DNAH17: variants seen among roughly 807,000 people sequenced by gnomAD.
DNAH17 encodes the protein axonemal beta dynein heavy chain 17.
A neutral mutation model predicts 485.6 loss-of-function variants in DNAH17; 376 were observed. The observed-to-expected ratio is 0.77, with a 90% CI of 0.71 to 0.84. The LOEUF is 0.84. DNAH17 is among the 40% of genes least tolerant of loss of function. DNAH17 has a pLI of 0.00. For missense variants in DNAH17, 6,370 were observed against 5,839.3 expected (o/e 1.09, Z -2.96); for synonymous variants, 3,031 against 2,405.9 (o/e 1.26, Z -7.60).
chr17:78,539,817 T>G lies in DNAH17; in HGVS notation c.2596A>C (p.Ile866Leu). ...AATTCATCTAAGACCATGTCGTCAA[T>G]GTAGATGACATAATCCTTCCAGGGC... ...SLPWKDYVIY[I>L]DDMVLDEFDQ... The change falls in exon 18 of 81, where the codon ATT becomes CTT. Residue 866 changes from isoleucine to leucine, a missense_variant. Ile to Leu is a conservative substitution (Grantham distance 5). Coordinates refer to ENST00000389840, the MANE Select transcript of DNAH17 (RefSeq NM_173628.4). The G allele has an allele frequency of 6.2e-7, 1 of 1,611,936 alleles. No individual in the cohort carries two copies.
At chr17:78,468,160 TA>T (rs34926462) in intron 55 of DNAH17, among the ~76,000 whole-genome samples, 2,012 of 150,502 alleles carry the variant, frequency 0.013, 50 homozygotes, top group African/African-American at 0.046. Flanking sequence ...TGAAAATTGT[TA>T]AAAAAAAATA....
intron 36 of DNAH17, 53 bp from the exon 37 acceptor site, chr17:78,499,165 G>C: frequency 7.8e-7 from 1 of 1,287,194 alleles, no homozygotes. Context: ...CAGGGAGGGC[G>C]GGCGCTGCAG....
At chr17:78,474,893 T>C (rs74001354) in intron 54 of DNAH17, among the ~76,000 whole-genome samples, 26,707 of 127,538 alleles carry the variant, frequency 0.21, 3,091 homozygotes, top group African/African-American at 0.39. Context: ...CTCAGTCACA[T>C]GGGCCGGGAG....
intron 17 of DNAH17, among the ~76,000 whole-genome samples, chr17:78,543,353 C>G (rs2091656558): frequency 6.6e-6 from 1 of 150,822 alleles, no homozygotes; most frequent in African/African-American, 2.4e-5. Flanking sequence ...TGCAGTGGCG[C>G]AATCTTGGCT....
At chr17:78,552,937 A>T (rs547991576) in intron 14 of DNAH17, 132 bp from the exon 15 acceptor site, 32 of 672,048 alleles carry the variant, frequency 4.8e-5, no homozygotes, top group Admixed American at 2.9e-4. Flanking sequence ...TCTCATGTTG[A>T]ATTGTAATCC....
At chr17:78,478,633 CATT>C in intron 51 of DNAH17, among the ~76,000 whole-genome samples, 1 of 150,564 alleles carries the variant, frequency 6.6e-6, no homozygotes, top group East Asian at 2.0e-4. Context: ...TTATTATAAT[CATT>C]ATCACCATTA....
chr17:78,494,281 C>G, intron 40 of DNAH17, 108 bp from the exon 41 acceptor site: 1 of 1,468,946 alleles, frequency 6.8e-7, no homozygotes, highest in Non-Finnish European at 9.1e-7. Context: ...TAAAGGCGCC[C>G]TTGCCCTCCG....
At chr17:78,569,724 C>A (rs933560267) in intron 7 of DNAH17, among the ~76,000 whole-genome samples, 197 bp from the exon 8 acceptor site, 2 of 152,250 alleles carry the variant, frequency 1.3e-5, no homozygotes, top group African/African-American at 4.8e-5. Flanking sequence ...TTTGCCAAGG[C>A]TGCAGCATAA....
rs1448011077 is a variant in DNAH17 at position 78,529,772 on chromosome 17, G to A, written c.3285-78C>T. 19 of 1,460,936 alleles carry A rather than the reference G, an allele frequency of 1.3e-5. No homozygotes were observed. The East Asian group carries it at 2.1e-4, about 16-fold the overall frequency. The allele number at this position is 1,460,936 out of a possible 1,614,324, so 90.5% of individuals were successfully genotyped here. On this transcript the variant is annotated intron_variant, in intron 21 of 80. Coordinates refer to ENST00000389840, the MANE Select transcript of DNAH17 (RefSeq NM_173628.4). ...TTGATGGTACGGAGCCCCATGAGAG[G>A]GGGACGACCGCGGTGAGGTCAACTG...
chr17:78,434,177 A>G lies in DNAH17; in HGVS notation c.12077T>C (p.Met4026Thr), dbSNP rs1452514181. Residue 4026 changes from methionine (M) to threonine (T), a missense_variant, in exon 75 of 81, where the codon ATG (methionine) becomes ACG (threonine). Transcript: ENST00000389840. ...GTGGAAGTAGCACAGGGCGAAGAGC[A>G]TGCACTTGAACTCCATCTCCTTGGT... is the stretch of plus-strand genomic sequence containing the variant. ...MCTKEMEFKC[M>T]LFALCYFHAV... 7 of 1,613,266 alleles carry G rather than the reference A, an allele frequency of 4.3e-6. No homozygotes were observed. The highest frequency in any genetic ancestry group is 1.1e-5 in the South Asian group (1 of 91,072).
chr17:78,504,729 G>A (rs1004516365), intron 31 of DNAH17, among the ~76,000 whole-genome samples: 6 of 152,086 alleles, frequency 3.9e-5, no homozygotes, highest in South Asian at 2.1e-4. Context: ...CGGGGGACGC[G>A]CTTGCTGGGG....
intron 11 of DNAH17, among the ~76,000 whole-genome samples, chr17:78,564,534 A>G (rs1315306692): frequency 6.7e-6 from 1 of 150,104 alleles, no homozygotes; most frequent in African/African-American, 2.4e-5. Flanking sequence ...TTTCCAAATG[A>G]AAGAATTGGC....
Position 78,528,997 on chromosome 17 carries a change from G to A in DNAH17, c.3507+475C>T, listed in dbSNP as rs184694005. Among the ~76,000 whole-genome samples the A allele has an allele frequency of 4.6e-5, 7 of 150,854 alleles. No homozygotes were observed. The East Asian group carries it at 5.9e-4, about 13-fold the overall frequency. ...GAATCTCTGTCGCCCAGGCTGGAGT[G>A]CAGTGGTGCGATCTCAGCTCACTGC... On this transcript the variant is annotated intron_variant, in intron 22 of 80. Transcript: ENST00000389840.
At chr17:78,570,633 G>A (rs961080191) in intron 6 of DNAH17, among the ~76,000 whole-genome samples, 2 of 152,036 alleles carry the variant, frequency 1.3e-5, no homozygotes, top group Non-Finnish European at 2.9e-5. Context: ...GCCGAGGTGG[G>A]CGGATCATGA....
rs761870194 is a variant in DNAH17 at position 78,440,548 on chromosome 17, C to T, written c.11677+503G>A. Reference sequence around the variant, plus strand: ...GTGCTGGGATACAGGTGTGAGCTACCGCCCCCGGCCTGCTTCACTCTTTTT... The same window carrying T: ...GTGCTGGGATACAGGTGTGAGCTACTGCCCCCGGCCTGCTTCACTCTTTTT... On this transcript the variant is annotated intron_variant, in intron 72 of 80. Coordinates refer to ENST00000389840, the MANE Select transcript of DNAH17 (RefSeq NM_173628.4). Among the ~76,000 whole-genome samples, 7 of 152,210 alleles carry T rather than the reference C, an allele frequency of 4.6e-5. No homozygotes were observed. The East Asian group carries it at 5.8e-4, about 13-fold the overall frequency.
chr17:78,486,525 G>C lies in DNAH17; in HGVS notation c.6819-19C>G, dbSNP rs781077623. ...CACCACCCTGGGGGTGACAGGAGGCGCCGATGACACAGCCGCTGCTCTGGG... is the reference window on the plus strand; with the variant it reads ...CACCACCCTGGGGGTGACAGGAGGCCCCGATGACACAGCCGCTGCTCTGGG... On this transcript the variant is annotated intron_variant, in intron 44 of 80. Coordinates refer to ENST00000389840, the MANE Select transcript of DNAH17 (RefSeq NM_173628.4). 3 of 1,584,620 alleles carry C rather than the reference G, an allele frequency of 1.9e-6. No homozygotes were observed. The highest frequency in any genetic ancestry group is 8.6e-7 in the Non-Finnish European group (1 of 1,163,070).
intron 25 of DNAH17, among the ~76,000 whole-genome samples, chr17:78,520,791 T>C (rs1243338278): frequency 6.6e-6 from 1 of 152,214 alleles, no homozygotes; most frequent in Non-Finnish European, 1.5e-5. Context: ...AACATGTCAG[T>C]TCTCTCCAAA....
At chr17:78,497,744 G>T in intron 37 of DNAH17, among the ~76,000 whole-genome samples, 1 of 152,232 alleles carries the variant, frequency 6.6e-6, no homozygotes, top group East Asian at 1.9e-4. Flanking sequence ...CTCTAATCCT[G>T]CTGGCAGACC....
Position 78,560,930 on chromosome 17 carries a change from A to G in DNAH17, c.1841T>C (p.Met614Thr), listed in dbSNP as rs1302788708. ...GGTCAGCTTGGCCTCTGCTCCAGAC[A>G]TGACCCTGGAATCAGAGCGGGAAGG... ...KHLKHVEHPV[M>T]SGAEAKLTYQ... The change falls in exon 13 of 81, where the codon ATG becomes ACG. Residue 614 changes from methionine (M) to threonine (T), a missense_variant. Physicochemically the swap from Met to Thr is moderately conservative, Grantham distance 81. Coordinates refer to ENST00000389840, the MANE Select transcript of DNAH17 (RefSeq NM_173628.4). 8 of 1,548,668 alleles carry G rather than the reference A, an allele frequency of 5.2e-6. No homozygotes were observed. In the Admixed American group the frequency reaches 5.9e-5, roughly 11 times the overall value.
Sources: allele counts gnomAD v4.1 joint callset (sites outside exome capture counted in the v4.1 genomes callset), GRCh38; gene constraint gnomAD v4.1.1; transcripts MANE v1.5; gene names NCBI Gene and HGNC (gene_info 2026-07-23, HGNC 2026-07-21).